The following UBE2V2 variants were observed in gnomAD, a reference collection of about 807,000 sequenced individuals.
UBE2V2 encodes the protein ubiquitin conjugating enzyme E2 V2.
UBE2V2 carries 9 observed loss-of-function variants against 17.2 expected under a neutral mutation model. The ratio of observed to expected loss-of-function variants is 0.52; its 90% CI spans 0.32 to 0.91. UBE2V2 has a LOEUF of 0.91. Among genes scored for constraint, UBE2V2 ranks in the 40% least tolerant of loss-of-function variants. The probability of loss-of-function intolerance (pLI) is 0.04; values close to 1 mark genes in which losing one functional copy is unlikely to be tolerated. For synonymous variants in UBE2V2, 61 were observed against 57.5 expected (o/e 1.06, Z -0.28); for missense variants, 133 against 182.6 (o/e 0.73, Z 1.56).
At chr8:48,026,212 G>T (rs1215328876) in intron 1 of UBE2V2, among the ~76,000 whole-genome samples, 1 of 151,990 alleles carries the variant, frequency 6.6e-6, no homozygotes, top group Non-Finnish European at 1.5e-5. Context: ...GGACTGGGAA[G>T]ATTGGACAAC....
At chr8:48,041,065 C>T (rs1358583335) in intron 1 of UBE2V2, among the ~76,000 whole-genome samples, 4 of 151,444 alleles carry the variant, frequency 2.6e-5, no homozygotes, top group South Asian at 2.1e-4. Flanking sequence ...AGGGTTTCAC[C>T]GTGTTAGCCA....
chr8:48,025,704 A>G (rs912524084), intron 1 of UBE2V2, among the ~76,000 whole-genome samples: 3 of 150,568 alleles, frequency 2.0e-5, no homozygotes, highest in African/African-American at 7.4e-5. Flanking sequence ...GGTTCACGCC[A>G]TTCTCTTGCC....
intron 1 of UBE2V2, among the ~76,000 whole-genome samples, chr8:48,024,539 G>C (rs1346485520): frequency 6.6e-6 from 1 of 151,704 alleles, no homozygotes; most frequent in Admixed American, 6.6e-5. Flanking sequence ...AGGTTGTGGT[G>C]AGCCGAGATC....
chr8:48,034,128 C>CTT (rs895844431), intron 1 of UBE2V2, among the ~76,000 whole-genome samples: 2 of 136,298 alleles, frequency 1.5e-5, no homozygotes, highest in Non-Finnish European at 1.5e-5. Context: ...TTTTCTTTTC[C>CTT]TTTTTTTTTT....
chr8:48,048,268 G>A (rs2091513771), intron 2 of UBE2V2, among the ~76,000 whole-genome samples: 1 of 152,220 alleles, frequency 6.6e-6, no homozygotes, highest in Admixed American at 6.5e-5. Context: ...ATCTCATGTA[G>A]TAGGAGTGTG....
rs771280050 is a variant in UBE2V2 at position 48,046,942 on chromosome 8, CT to C, written c.166-2896del. 3.7e-3 allele frequency among the ~76,000 whole-genome samples: 512 copies of C among 139,640 alleles called. 1 individual carries two copies. Among genetic ancestry groups the C allele is most frequent in the African/African-American group, 7.5e-3 (287 of 38,430 alleles). The allele number at this position is 139,640 out of a possible 152,430, so 91.6% of individuals were successfully genotyped here. A position where few individuals can be genotyped will look rare whatever the true frequency, so the allele number is the denominator to read the frequency against. On this transcript the variant is annotated intron_variant, in intron 2 of 3. Coordinates refer to ENST00000523111, the MANE Select transcript of UBE2V2 (RefSeq NM_003350.3). The stretch of plus-strand genomic sequence containing the variant: ...TTGTACTTTATTGACTAAGGTCCCT[CT>C]TTTTTTTTTTTTTTGAGATGGAGCT...
intron 1 of UBE2V2, among the ~76,000 whole-genome samples, chr8:48,016,060 G>C (rs1239315372): frequency 6.6e-6 from 1 of 152,038 alleles, no homozygotes; most frequent in African/African-American, 2.4e-5. Context: ...GCCAAGCCCG[G>C]CTAATTTTTG....
intron 1 of UBE2V2, among the ~76,000 whole-genome samples, chr8:48,036,813 G>C (rs1384296047): frequency 6.6e-6 from 1 of 152,110 alleles, no homozygotes; most frequent in Non-Finnish European, 1.5e-5. Context: ...CTTTCATTGT[G>C]TGCATAGAAT....
At chr8:48,010,509 C>G (rs1475301181) in intron 1 of UBE2V2, among the ~76,000 whole-genome samples, 2 of 149,998 alleles carry the variant, frequency 1.3e-5, no homozygotes, top group Non-Finnish European at 3.0e-5. Flanking sequence ...TCAAGCGATT[C>G]TCCTGCCTCA....
intron 1 of UBE2V2, chr8:48,035,191 C>T (rs1186383856): frequency 7.7e-6 from 7 of 912,228 alleles, no homozygotes; most frequent in Non-Finnish European, 9.1e-6. Context: ...TCTCAGCTCA[C>T]TGCTACTTCT....
At chr8:48,023,642 C>T (rs1169441615) in intron 1 of UBE2V2, among the ~76,000 whole-genome samples, 1 of 152,018 alleles carries the variant, frequency 6.6e-6, no homozygotes, top group African/African-American at 2.4e-5. Context: ...AAGGCCAAGG[C>T]AGGAGGATCA....
chr8:48,002,101 G>C, the UBE2V2 span, among the ~76,000 whole-genome samples: 1 of 151,634 alleles, frequency 6.6e-6, no homozygotes, highest in Admixed American at 6.6e-5. Flanking sequence ...AAAAAAAAAA[G>C]GGCAACAGAT....
At chr8:48,028,215 C>T (rs1361078038) in intron 1 of UBE2V2, among the ~76,000 whole-genome samples, 6 of 151,440 alleles carry the variant, frequency 4.0e-5, no homozygotes, top group East Asian at 1.9e-4. Context: ...TCATCCAGGC[C>T]GGAGTGCAGT....
intron 3 of UBE2V2, among the ~76,000 whole-genome samples, chr8:48,060,260 A>C (rs1172321206): frequency 1.3e-5 from 2 of 151,172 alleles, no homozygotes; most frequent in Non-Finnish European, 2.9e-5. Context: ...AATAGTGCGT[A>C]GAATACATTG....
chr8:48,027,892 C>T lies in UBE2V2; in HGVS notation c.17-15141C>T, dbSNP rs1045922071. ...TGTTTTTGAGACGGAGTCTCGCTCT[C>T]GCCCAGGCTGGAGTGCAATGGCGCG... is the stretch of plus-strand genomic sequence containing the variant. On this transcript the variant is annotated intron_variant, in intron 1 of 3. Coordinates refer to ENST00000523111, the MANE Select transcript of UBE2V2 (RefSeq NM_003350.3). 3.9e-5 allele frequency among the ~76,000 whole-genome samples: 6 copies of T among 151,936 alleles called. No individual in the cohort carries two copies. The East Asian group carries it at 5.8e-4, about 15-fold the overall frequency.
rs754978996 is a variant in UBE2V2 at position 48,038,623 on chromosome 8, C to T, written c.17-4410C>T. 6.6e-5 allele frequency among the ~76,000 whole-genome samples: 10 copies of T among 151,804 alleles called. No individual in the cohort carries two copies. The East Asian group carries it at 9.7e-4, about 15-fold the overall frequency. On this transcript the variant is annotated intron_variant, in intron 1 of 3. Transcript: ENST00000523111. ...CCTCCCAGGTAGCTGGGACTACAGG[C>T]GCACGCCACCATGCTTGGCTAATTC...
At chr8:48,014,172 C>T (rs1218103681) in intron 1 of UBE2V2, among the ~76,000 whole-genome samples, 1 of 152,164 alleles carries the variant, frequency 6.6e-6, no homozygotes, top group Non-Finnish European at 1.5e-5. Context: ...TCTTGATAAA[C>T]ATGCTTTTGA....
chr8:48,036,865 T>C (rs1358463826), intron 1 of UBE2V2, among the ~76,000 whole-genome samples: 1 of 152,280 alleles, frequency 6.6e-6, no homozygotes, highest in East Asian at 1.9e-4. Context: ...TCCAGATTCT[T>C]GACTCATGAC....
rs1274379733 is a variant in UBE2V2 at position 48,061,891 on chromosome 8, A to T, written c.*1063A>T. 6.6e-6 allele frequency: 1 copy of T among 152,220 alleles called. No homozygotes were observed. The highest frequency in any genetic ancestry group is 6.5e-5 in the Admixed American group (1 of 15,280). 9.4% of individuals were successfully genotyped at this position (152,220 alleles called of 1,614,324 possible). On this transcript the variant is annotated 3_prime_UTR_variant, in exon 4 of 4. Transcript: ENST00000523111. ...AAATATATATCCCATTTTTTAAAGC[A>T]TAATATCTTTTTTAGTTGTTTTTCT...
Sources: allele counts gnomAD v4.1 joint callset (sites outside exome capture counted in the v4.1 genomes callset), GRCh38; gene constraint gnomAD v4.1.1; transcripts MANE v1.5; gene names NCBI Gene and HGNC (gene_info 2026-07-23, HGNC 2026-07-21).